The following PCDH7 variants were observed in gnomAD, a reference collection of about 807,000 sequenced individuals.
PCDH7 encodes protocadherin 7, also known as protocadherin-7.
PCDH7 carries 17 observed loss-of-function variants against 58.9 expected under a neutral mutation model. The ratio of observed to expected loss-of-function variants is 0.29; its 90% CI spans 0.20 to 0.43. The LOEUF is 0.43. Ranked by LOEUF, PCDH7 falls within the 20% of genes least tolerant of loss-of-function variation. PCDH7 has a pLI of 1.00. For synonymous variants in PCDH7, 664 were observed against 616.4 expected (o/e 1.08, Z -1.14); for missense variants, 1,274 against 1,441.0 (o/e 0.88, Z 1.88).
intron 1 of PCDH7, among the ~76,000 whole-genome samples, chr4:30,896,220 T>G (rs1739376082): frequency 6.6e-6 from 1 of 152,232 alleles, no homozygotes; most frequent in Admixed American, 6.5e-5. Context: ...ATATAATTTA[T>G]AATTTAGTTA....
At chr4:30,756,275 G>A (rs1327644343) in intron 1 of PCDH7, among the ~76,000 whole-genome samples, 1 of 152,006 alleles carries the variant, frequency 6.6e-6, no homozygotes, top group Non-Finnish European at 1.5e-5. Flanking sequence ...CGCTGTTCAT[G>A]AGGGATCTTC....
chr4:31,003,066 G>A (rs1393905164), intron 3 of PCDH7, among the ~76,000 whole-genome samples: 6 of 152,070 alleles, frequency 3.9e-5, no homozygotes, highest in African/African-American at 9.7e-5. Context: ...TTCTGAAAAG[G>A]CACAGTTAGT....
chr4:31,066,705 A>G (rs1055074643), intron 3 of PCDH7, among the ~76,000 whole-genome samples: 4 of 151,908 alleles, frequency 2.6e-5, no homozygotes, highest in African/African-American at 9.7e-5. Context: ...TGGTCATGCC[A>G]TTGACACAAT....
At chr4:31,070,414 T>C (rs1758449683) in intron 3 of PCDH7, among the ~76,000 whole-genome samples, 1 of 152,108 alleles carries the variant, frequency 6.6e-6, no homozygotes, top group Admixed American at 6.6e-5. Context: ...ATAATACGAC[T>C]GACTTTTTGT....
intron 3 of PCDH7, among the ~76,000 whole-genome samples, chr4:31,095,115 G>A (rs1378272532): frequency 6.9e-6 from 1 of 144,378 alleles, no homozygotes; most frequent in Non-Finnish European, 1.5e-5. Flanking sequence ...ACCAGACAGG[G>A]TATTTTTTTT....
intron 3 of PCDH7, among the ~76,000 whole-genome samples, chr4:30,968,592 T>C (rs891531041): frequency 6.6e-6 from 1 of 151,768 alleles, no homozygotes; most frequent in Non-Finnish European, 1.5e-5. Flanking sequence ...CATACTTTTT[T>C]GCACAAATAA....
chr4:30,795,718 G>A (rs1219716998), intron 1 of PCDH7, among the ~76,000 whole-genome samples: 1 of 152,190 alleles, frequency 6.6e-6, no homozygotes, highest in Non-Finnish European at 1.5e-5. Flanking sequence ...TATTGGTATA[G>A]ATTTCACAGC....
chr4:30,920,640 G>A (rs1488169545), intron 2 of PCDH7, among the ~76,000 whole-genome samples: 4 of 149,682 alleles, frequency 2.7e-5, no homozygotes, highest in Non-Finnish European at 4.5e-5. Context: ...TATGAAGGAA[G>A]CTAAATAAGT....
intron 2 of PCDH7, among the ~76,000 whole-genome samples, chr4:30,932,934 C>T (rs887311209): frequency 6.6e-6 from 1 of 152,186 alleles, no homozygotes; most frequent in Non-Finnish European, 1.5e-5. Flanking sequence ...AAGCAATACC[C>T]TTTCTTTAAG....
intron 1 of PCDH7, among the ~76,000 whole-genome samples, chr4:30,779,798 G>A (rs1052044483): frequency 3.1e-4 from 47 of 151,986 alleles, no homozygotes; most frequent in African/African-American, 1.1e-3. Context: ...CTTCTCTGTG[G>A]GTGTTCAAGG....
intron 3 of PCDH7, among the ~76,000 whole-genome samples, chr4:31,101,672 A>C (rs901606496): frequency 6.6e-6 from 1 of 152,202 alleles, no homozygotes. Context: ...CTAAATATGA[A>C]AAGTCTTATC....
chr4:30,762,882 C>A (rs1281824050), intron 1 of PCDH7, among the ~76,000 whole-genome samples: 3 of 152,162 alleles, frequency 2.0e-5, no homozygotes, highest in African/African-American at 7.2e-5. Context: ...CAGAACATCC[C>A]AAACTTGTTT....
intron 3 of PCDH7, among the ~76,000 whole-genome samples, chr4:31,062,332 A>G (rs1476775796): frequency 6.6e-6 from 1 of 151,762 alleles, no homozygotes; most frequent in East Asian, 1.9e-4. Context: ...TGGATAACGC[A>G]TAGAAAAGAA....
At chr4:30,817,975 C>T (rs1727906298) in intron 1 of PCDH7, among the ~76,000 whole-genome samples, 1 of 152,104 alleles carries the variant, frequency 6.6e-6, no homozygotes, top group Non-Finnish European at 1.5e-5. Context: ...TTCTCAAGTC[C>T]ACTCCTGCCA....
chr4:30,752,057 G>A (rs1718598552), intron 1 of PCDH7, among the ~76,000 whole-genome samples: 1 of 152,106 alleles, frequency 6.6e-6, no homozygotes, highest in Admixed American at 6.6e-5. Flanking sequence ...AAAAGAATAT[G>A]TCTAGGTAGT....
At chr4:30,943,454 T>A (rs1746297439) in intron 2 of PCDH7, among the ~76,000 whole-genome samples, 11 of 152,194 alleles carry the variant, frequency 7.2e-5, no homozygotes, top group Admixed American at 7.2e-4. Flanking sequence ...CTTAAAGTCA[T>A]GCAGCCAGTG....
At chr4:30,981,133 C>A (rs774352669) in intron 3 of PCDH7, among the ~76,000 whole-genome samples, 11 of 152,168 alleles carry the variant, frequency 7.2e-5, no homozygotes, top group Admixed American at 7.2e-4. Context: ...TGAGGCACTG[C>A]GCCTGGCCTA....
chr4:30,821,301 C>T (rs541682074), intron 1 of PCDH7, among the ~76,000 whole-genome samples: 4 of 152,294 alleles, frequency 2.6e-5, no homozygotes, highest in South Asian at 2.1e-4. Context: ...GTCAGCCAAG[C>T]GATGGGTCAG....
chr4:31,021,706 T>A (rs1449376680), intron 3 of PCDH7, among the ~76,000 whole-genome samples: 1 of 151,896 alleles, frequency 6.6e-6, no homozygotes, highest in Admixed American at 6.6e-5. Context: ...TTTTAATGGG[T>A]CAGTCTTGGG....
Sources: allele counts gnomAD v4.1 joint callset (sites outside exome capture counted in the v4.1 genomes callset), GRCh38; gene constraint gnomAD v4.1.1; transcripts MANE v1.5; gene names NCBI Gene and HGNC (gene_info 2026-07-23, HGNC 2026-07-21).